GLIS3: variants seen among roughly 807,000 people sequenced by gnomAD.
GLIS3 encodes GLIS family zinc finger 3, also known as zinc finger protein GLIS3.
In GLIS3, 53 loss-of-function variants were observed where a neutral mutation model predicts 78.6. That is an observed-to-expected ratio of 0.67 (90% CI 0.54 to 0.85). GLIS3 has a LOEUF of 0.85. Ranked by LOEUF, GLIS3 falls within the 40% of genes least tolerant of loss-of-function variation. The pLI is 0.00. For synonymous variants in GLIS3, 684 were observed against 509.9 expected (o/e 1.34, Z -4.60); for missense variants, 1,703 against 1,231.1 (o/e 1.38, Z -5.74).
At chr9:4,473,810 T>G in the GLIS3 span, among the ~76,000 whole-genome samples, 2 of 152,004 alleles carry the variant, frequency 1.3e-5, no homozygotes, top group African/African-American at 2.4e-5. Context: ...AAATAAAAAT[T>G]TTTAAAGATG....
chr9:4,286,793 C>CTACT (rs968626352), intron 1 of GLIS3, among the ~76,000 whole-genome samples: 1 of 152,186 alleles, frequency 6.6e-6, no homozygotes, highest in African/African-American at 2.4e-5. Context: ...CTACAACAAT[C>CTACT]TACTGGTGCC....
chr9:3,933,540 G>A (rs1276040603), intron 5 of GLIS3, among the ~76,000 whole-genome samples: 1 of 152,104 alleles, frequency 6.6e-6, no homozygotes, highest in Non-Finnish European at 1.5e-5. Context: ...AAAAATCACA[G>A]GATTAACTGT....
intron 4 of GLIS3, among the ~76,000 whole-genome samples, chr9:4,037,493 C>T (rs952737685): frequency 1.3e-5 from 2 of 151,294 alleles, no homozygotes; most frequent in African/African-American, 4.9e-5. Context: ...TTGAGAATAC[C>T]CCACAAGCCA....
the GLIS3 span, among the ~76,000 whole-genome samples, chr9:4,411,184 T>G: frequency 7.9e-5 from 12 of 152,344 alleles, no homozygotes; most frequent in South Asian, 2.5e-3. Flanking sequence ...ATGTGTGATG[T>G]GATAATTTAA....
At chr9:4,049,495 C>G (rs536202489) in intron 4 of GLIS3, among the ~76,000 whole-genome samples, 1 of 152,164 alleles carries the variant, frequency 6.6e-6, no homozygotes, top group Non-Finnish European at 1.5e-5. Flanking sequence ...TGCCCACAGC[C>G]CACAGATGCC....
rs543686928 is a variant in GLIS3 at position 3,991,744 on chromosome 9, G to GC, written c.1711-54556dup. 6.0e-5 allele frequency among the ~76,000 whole-genome samples: 8 copies of GC among 133,452 alleles called. No individual in the cohort carries two copies. In the South Asian group the frequency reaches 1.8e-3, roughly 30 times the overall value. 87.5% of individuals were successfully genotyped at this position (133,452 alleles called of 152,430 possible). On this transcript the variant is annotated intron_variant, in intron 4 of 10. Transcript: ENST00000381971. ...CTCACTCTGTCGCCCAGGCTGGAGT[G>GC]CAGTGGTGGGATCTCGGCTCACTGC... is the stretch of plus-strand genomic sequence containing the variant.
At position 3,973,096 on chromosome 9, in the gene GLIS3, A is replaced by G. The variant is rs555653000; in HGVS notation, c.1711-35907T>C. Among the ~76,000 whole-genome samples, 62 of 152,296 alleles carry G rather than the reference A, an allele frequency of 4.1e-4. No homozygotes were observed. In the South Asian group the frequency reaches 0.012, roughly 29 times the overall value. ...CATATTCATAGTTATGGTTTATTAC[A>G]GAGAAAAAATACATATTAAGATCAA... On this transcript the variant is annotated intron_variant, in intron 4 of 10. Transcript: ENST00000381971.
chr9:4,349,515 G>C (rs773218019), upstream of GLIS3, among the ~76,000 whole-genome samples: 1 of 152,010 alleles, frequency 6.6e-6, no homozygotes, highest in African/African-American at 2.4e-5. Flanking sequence ...AATGGTCATT[G>C]CACAGAAAAA....
intron 6 of GLIS3, among the ~76,000 whole-genome samples, chr9:3,905,926 A>AT (rs1283493374): frequency 3.9e-5 from 6 of 152,126 alleles, no homozygotes; most frequent in Admixed American, 3.9e-4. Flanking sequence ...TGCTCCCCAC[A>AT]TGCTATTCTA....
chr9:4,142,192 T>C (rs1048985825), intron 2 of GLIS3, among the ~76,000 whole-genome samples: 2 of 152,248 alleles, frequency 1.3e-5, no homozygotes, highest in Admixed American at 1.3e-4. Context: ...GAGTTGTGCT[T>C]ATGTTCTCCC....
chr9:3,860,292 A>C lies in GLIS3; in HGVS notation c.2298-4108T>G, dbSNP rs1260985280. On this transcript the variant is annotated intron_variant, in intron 8 of 10. Transcript: ENST00000381971. Reference sequence around the variant, plus strand: ...TCTGTCAAAAAAAAAAAAAAAAAAAAAAAAAAAAAAACCTCTGGGGGATGA... The same window carrying C: ...TCTGTCAAAAAAAAAAAAAAAAAAACAAAAAAAAAAACCTCTGGGGGATGA... Among the ~76,000 whole-genome samples the C allele has an allele frequency of 2.7e-5, 4 of 148,214 alleles. No individual in the cohort carries two copies. In the East Asian group the frequency reaches 5.9e-4, roughly 22 times the overall value.
chr9:3,937,254 CT>C (rs113076411), intron 4 of GLIS3, 65 bp from the exon 5 acceptor site: 9,232 of 1,354,366 alleles, frequency 6.8e-3, no homozygotes, highest in East Asian at 0.015. Context: ...TGGGGGACAG[CT>C]AAAAAAAAAA....
At chr9:4,236,977 T>C (rs1487037511) in intron 2 of GLIS3, among the ~76,000 whole-genome samples, 3 of 152,206 alleles carry the variant, frequency 2.0e-5, no homozygotes, top group African/African-American at 7.2e-5. Flanking sequence ...CCAGTTGCAC[T>C]AAATCTAGGG....
At chr9:4,249,673 G>C (rs1341569495) in intron 2 of GLIS3, among the ~76,000 whole-genome samples, 1 of 152,170 alleles carries the variant, frequency 6.6e-6, no homozygotes, top group Non-Finnish European at 1.5e-5. Context: ...AGGGTGGTGA[G>C]AGAGGACATC....
intron 4 of GLIS3, among the ~76,000 whole-genome samples, chr9:4,060,848 T>C (rs968395048): frequency 6.6e-6 from 1 of 152,212 alleles, no homozygotes; most frequent in African/African-American, 2.4e-5. Flanking sequence ...TTCTCTGTAG[T>C]TCATCCAGCC....
At chr9:4,069,339 C>T (rs1308668803) in intron 4 of GLIS3, among the ~76,000 whole-genome samples, 1 of 152,198 alleles carries the variant, frequency 6.6e-6, no homozygotes, top group Non-Finnish European at 1.5e-5. Flanking sequence ...GCTATTGGAT[C>T]GGCTTCTCAG....
Position 4,122,228 on chromosome 9 carries a change from A to C in GLIS3, c.597-3347T>G, listed in dbSNP as rs189871086. Among the ~76,000 whole-genome samples the C allele has an allele frequency of 2.7e-4, 41 of 152,346 alleles. No individual in the cohort carries two copies. The East Asian group carries it at 7.1e-3, about 26-fold the overall frequency. ...TTGCTTCAATGTCAAGCTCAAAAGA[A>C]GTTCTAATACATCACATGGAGAATT... On this transcript the variant is annotated intron_variant, in intron 3 of 10. Transcript: ENST00000381971.
rs1162622942 is a variant in GLIS3, at chr9:4,248,943, C to A, written c.388+37095G>T. 2.0e-5 allele frequency among the ~76,000 whole-genome samples: 3 copies of A among 151,832 alleles called. No homozygotes were observed. In the East Asian group the frequency reaches 5.8e-4, roughly 29 times the overall value. Reference sequence around the variant, plus strand: ...ACTTTTAGAAGGGGTGGTTATAGATCTGTGGCATTATTTCTGAGGCCTCTG... The same window carrying A: ...ACTTTTAGAAGGGGTGGTTATAGATATGTGGCATTATTTCTGAGGCCTCTG... On this transcript the variant is annotated intron_variant, in intron 2 of 10. Transcript: ENST00000381971.
chr9:4,255,660 G>C (rs1431154681), intron 2 of GLIS3, among the ~76,000 whole-genome samples: 1 of 152,150 alleles, frequency 6.6e-6, no homozygotes, highest in Non-Finnish European at 1.5e-5. Context: ...TTTTGGAAAA[G>C]GCAAAACTAT....
Sources: gnomAD v4.1 joint callset for allele counts (sites outside exome capture counted in the v4.1 genomes callset) on GRCh38, gnomAD v4.1.1 for gene constraint, MANE v1.5 for transcripts, NCBI Gene and HGNC (gene_info 2026-07-23, HGNC 2026-07-21) for gene names.